Variants in ARPC3 observed in about 807,000 individuals in gnomAD.
ARPC3 encodes the protein actin related protein 2/3 complex subunit 3, also known as actin-related protein 2/3 complex subunit 3.
In ARPC3, 12 loss-of-function variants were observed where a neutral mutation model predicts 27.6. The observed-to-expected ratio is 0.43, with a 90% CI of 0.28 to 0.70. The LOEUF is 0.70. Among genes scored for constraint, ARPC3 ranks in the 30% least tolerant of loss-of-function variants. ARPC3 has a pLI of 0.17. For missense variants in ARPC3, 153 were observed against 207.7 expected (o/e 0.74, Z 1.62); for synonymous variants, 53 against 67.2 (o/e 0.79, Z 1.03).
intron 6 of ARPC3, 89 bp downstream of exon 6, chr12:110,436,021 T>C: frequency 9.9e-7 from 1 of 1,011,316 alleles, no homozygotes; most frequent in African/African-American, 1.6e-5. Context: ...ATTAAAAATA[T>C]TCTTGCAATG....
At chr12:110,442,590 AGAGC>A (rs1209407738) in intron 2 of ARPC3, 6 of 152,156 alleles carry the variant, frequency 3.9e-5, no homozygotes, top group Non-Finnish European at 5.9e-5. Context: ...CCTGGGTGAC[AGAGC>A]GAGACTCCAT....
chr12:110,447,062 A>G (rs2062468638), intron 1 of ARPC3, among the ~76,000 whole-genome samples: 1 of 152,206 alleles, frequency 6.6e-6, no homozygotes, highest in Admixed American at 6.6e-5. Flanking sequence ...CCACTACAGA[A>G]AGACAAACAT....
Position 110,436,644 on chromosome 12 carries a change from G to A in ARPC3, c.292C>T (p.Leu98=), listed in dbSNP as rs748680325. 1 of 1,608,996 alleles carries A rather than the reference G, an allele frequency of 6.2e-7. No homozygotes were observed. The highest frequency in any genetic ancestry group is 1.7e-5 in the Admixed American group (1 of 59,472). The change falls in exon 5 of 7, where the codon CTG becomes TTG. Residue 98 remains leucine (L), a synonymous_variant. Coordinates refer to ENST00000228825, the MANE Select transcript of ARPC3 (RefSeq NM_001278556.2). ...GGAATGGGAAAATTAGTGATTCCCA[G>A]CGTATACATTTCTTTCTCACCTTGG... ...KSQGEKEMYT[L]GITNFPIPGE...
chr12:110,440,549 T>C lies in ARPC3; in HGVS notation c.107-161A>G, dbSNP rs1378031876. ...AAATACAAAGTTTTTAGAAAATATT[T>C]ATTTGTTTTTTTTTTGAGACAGAGT... On this transcript the variant is annotated intron_variant, in intron 2 of 6. Transcript: ENST00000228825. The C allele has an allele frequency of 4.7e-6, 3 of 642,786 alleles. No individual in the cohort carries two copies. In the African/African-American group the frequency reaches 5.6e-5, roughly 12 times the overall value. The allele number at this position is 642,786 out of a possible 1,614,324, so 39.8% of individuals were successfully genotyped here.
chr12:110,447,440 C>A (rs1014619488), intron 1 of ARPC3, among the ~76,000 whole-genome samples: 2 of 152,074 alleles, frequency 1.3e-5, no homozygotes, highest in Non-Finnish European at 2.9e-5. Context: ...CAAAGTAGTA[C>A]GATTCTGGTC....
chr12:110,436,211 CA>C lies in ARPC3; in HGVS notation c.380-8del. 6.2e-7 allele frequency: 1 copy of C among 1,608,926 alleles called. No individual in the cohort carries two copies. The highest frequency in any genetic ancestry group is 8.5e-7 in the Non-Finnish European group (1 of 1,175,576). On this transcript the variant is annotated splice_region_variant and splice_polypyrimidine_tract_variant and intron_variant, in intron 5 of 6. Transcript: ENST00000228825. ...AAATAGGCTCTCATCACTTCTAAAA[CA>C]GAACAATTTAAAAAAAACTGTATTT...
At position 110,450,294 on chromosome 12, in the gene ARPC3, A is replaced by T; in HGVS notation, c.-34T>A. On this transcript the variant is annotated 5_prime_UTR_variant, in exon 1 of 7. Coordinates refer to ENST00000228825, the MANE Select transcript of ARPC3 (RefSeq NM_001278556.2). ...CGCCCGGGTTTCAACCCAGAGGAGCAGGATCCAGGTACAGCGGAGCGCTTC... is the reference window on the plus strand; with the variant it reads ...CGCCCGGGTTTCAACCCAGAGGAGCTGGATCCAGGTACAGCGGAGCGCTTC... 1 of 1,613,890 alleles carries T rather than the reference A, an allele frequency of 6.2e-7. No homozygotes were observed. The highest frequency in any genetic ancestry group is 8.5e-7 in the Non-Finnish European group (1 of 1,179,918).
Position 110,435,021 on chromosome 12 carries a change from C to T in ARPC3, c.*134G>A. The stretch of plus-strand genomic sequence containing the variant: ...CTTTTCTCCCACCCAAATTCTTGAT[C>T]AAGAGTTTTTCAAGTAAAGACATGC... On this transcript the variant is annotated 3_prime_UTR_variant, in exon 7 of 7. Transcript: ENST00000228825. 1 of 770,798 alleles carries T rather than the reference C, an allele frequency of 1.3e-6. No homozygotes were observed. Among genetic ancestry groups the T allele is most frequent in the Non-Finnish European group, 2.3e-6 (1 of 434,162 alleles). 47.7% of individuals were successfully genotyped at this position (770,798 alleles called of 1,614,324 possible). A position where few individuals can be genotyped will look rare whatever the true frequency, so the allele number is the denominator to read the frequency against.
At chr12:110,441,900 C>T (rs147385524) in intron 2 of ARPC3, among the ~76,000 whole-genome samples, 99 of 151,626 alleles carry the variant, frequency 6.5e-4, no homozygotes, top group African/African-American at 2.3e-3. Flanking sequence ...AGCATGGTGG[C>T]AGGCACCTGT....
In ARPC3 at chr12:110,445,319, A is replaced by C. The variant is rs1425915789; in HGVS notation, c.106+133T>G. ...ACCACTATCTTGAAAGGTCTAGACC[A>C]CAGTATCTACCAAGCAAAGTACAAG... On this transcript the variant is annotated intron_variant, in intron 2 of 6. Transcript: ENST00000228825. 4.1e-6 allele frequency: 3 copies of C among 732,586 alleles called. No individual in the cohort carries two copies. The Admixed American group carries it at 6.1e-5, about 15-fold the overall frequency. The allele number at this position is 732,586 out of a possible 1,614,324, so 45.4% of individuals were successfully genotyped here. A position where few individuals can be genotyped will look rare whatever the true frequency, so the allele number is the denominator to read the frequency against.
chr12:110,437,210 A>C lies in ARPC3; in HGVS notation c.184-58T>G, dbSNP rs927882139. ...TATCAAAACATAACAATGATGTGCAATGTATGCATTCCATCTTTGTCTTCT... is the reference window on the plus strand; with the variant it reads ...TATCAAAACATAACAATGATGTGCACTGTATGCATTCCATCTTTGTCTTCT... On this transcript the variant is annotated intron_variant, in intron 3 of 6. Transcript: ENST00000228825. 4 of 1,130,278 alleles carry C rather than the reference A, an allele frequency of 3.5e-6. No homozygotes were observed. The African/African-American group carries it at 4.6e-5, about 13-fold the overall frequency. The allele number at this position is 1,130,278 out of a possible 1,614,324, so 70.0% of individuals were successfully genotyped here.
At chr12:110,446,735 A>G (rs1324829477) in intron 1 of ARPC3, among the ~76,000 whole-genome samples, 2 of 151,218 alleles carry the variant, frequency 1.3e-5, no homozygotes, top group Non-Finnish European at 2.9e-5. Flanking sequence ...CAGCCTCCCA[A>G]GTAGCTGGGA....
rs558292586 is a variant in ARPC3, at chr12:110,448,521, A to C, written c.6+1734T>G. Among the ~76,000 whole-genome samples, 50 of 151,982 alleles carry C rather than the reference A, an allele frequency of 3.3e-4. No individual in the cohort carries two copies. The South Asian group carries it at 1.0e-2, about 30-fold the overall frequency. The stretch of plus-strand genomic sequence containing the variant: ...GTGAGACTCTGTCTCTACTAAAAAC[A>C]CAAAAACTTAGCTGGGCATGGTGGC... On this transcript the variant is annotated intron_variant, in intron 1 of 6. Transcript: ENST00000228825.
Position 110,450,241 on chromosome 12 carries a change from G to C in ARPC3, c.6+14C>G. ...ATCCCCGCTGTCTCCCCACACCGTG[G>C]ATCGAACCCTCACCGGCATCTTGGC... On this transcript the variant is annotated intron_variant, in intron 1 of 6. Coordinates refer to ENST00000228825, the MANE Select transcript of ARPC3 (RefSeq NM_001278556.2). 6.2e-7 allele frequency: 1 copy of C among 1,614,136 alleles called. No individual in the cohort carries two copies. The highest frequency in any genetic ancestry group is 1.3e-5 in the African/African-American group (1 of 75,066).
intron 3 of ARPC3, 149 bp from the exon 4 acceptor site, chr12:110,437,301 ACAGTCTCCT>A: frequency 1.5e-6 from 1 of 665,072 alleles, no homozygotes; most frequent in South Asian, 1.6e-5. Flanking sequence ...CTCCAAATGC[ACAGTCTCCT>A]CAGTCTCCTT....
chr12:110,447,235 G>A (rs2062469480), intron 1 of ARPC3, among the ~76,000 whole-genome samples: 3 of 152,092 alleles, frequency 2.0e-5, no homozygotes, highest in Admixed American at 2.0e-4. Flanking sequence ...CCCTTCAGTG[G>A]GTAGGTGTGT....
In ARPC3 at chr12:110,445,127, TGACA is replaced by T. The variant is rs1324274670; in HGVS notation, c.106+321_106+324del. 1.3e-5 allele frequency: 4 copies of T among 297,154 alleles called. No individual in the cohort carries two copies. In the Admixed American group the frequency reaches 1.4e-4, roughly 11 times the overall value. The allele number at this position is 297,154 out of a possible 1,614,324, so 18.4% of individuals were successfully genotyped here. ...TTGTTGTTGTTCTTTTCCAGGTTGA[TGACA>T]GAAAGGATGGGCATGTGGCATTCTA... On this transcript the variant is annotated intron_variant, in intron 2 of 6. Coordinates refer to ENST00000228825, the MANE Select transcript of ARPC3 (RefSeq NM_001278556.2).
intron 1 of ARPC3, among the ~76,000 whole-genome samples, chr12:110,449,066 G>A (rs534190511): frequency 2.0e-5 from 3 of 151,772 alleles, no homozygotes; most frequent in Admixed American, 6.6e-5. Flanking sequence ...GAGCCACTGC[G>A]CCTGACCACC....
intron 1 of ARPC3, 122 bp from the exon 2 acceptor site, chr12:110,445,673 A>C: frequency 1.3e-6 from 1 of 762,764 alleles, no homozygotes. Flanking sequence ...GGGAGGGAGA[A>C]GGGATAGCAG....
Sources: allele counts gnomAD v4.1 joint callset (sites outside exome capture counted in the v4.1 genomes callset), GRCh38; gene constraint gnomAD v4.1.1; transcripts MANE v1.5; gene names NCBI Gene and HGNC (gene_info 2026-07-23, HGNC 2026-07-21).